Variants in MBNL2 observed in about 807,000 individuals in gnomAD.
MBNL2 encodes muscleblind like splicing regulator 2.
Under a neutral mutation model 41.9 loss-of-function variants are expected in MBNL2, and 17 were observed. The ratio of observed to expected loss-of-function variants is 0.41; its 90% CI spans 0.28 to 0.61. The LOEUF is 0.61. Among genes scored for constraint, MBNL2 ranks in the 20% least tolerant of loss-of-function variants. The pLI is 0.35. For synonymous variants in MBNL2, 195 were observed against 182.9 expected (o/e 1.07, Z -0.53); for missense variants, 336 against 505.6 (o/e 0.66, Z 3.22).
At chr13:97,305,852 T>C (rs568609434) in intron 2 of MBNL2, among the ~76,000 whole-genome samples, 51 of 152,112 alleles carry the variant, frequency 3.4e-4, no homozygotes, top group Middle Eastern at 3.2e-3. Flanking sequence ...TCATGAAAAG[T>C]TCAAGATATT....
intron 2 of MBNL2, among the ~76,000 whole-genome samples, chr13:97,309,613 G>A (rs1437535046): frequency 6.6e-6 from 1 of 152,154 alleles, no homozygotes; most frequent in Non-Finnish European, 1.5e-5. Context: ...GAGGGAATAA[G>A]GTTCTGTTGT....
upstream of MBNL2, among the ~76,000 whole-genome samples, chr13:97,218,341 C>T (rs1361822887): frequency 3.3e-5 from 5 of 149,788 alleles, no homozygotes; most frequent in Non-Finnish European, 5.9e-5. Context: ...ACCCGGGAGG[C>T]GGAGTTTGCA....
chr13:97,155,395 T>TA, the MBNL2 span, among the ~76,000 whole-genome samples: 2 of 143,420 alleles, frequency 1.4e-5, no homozygotes, highest in South Asian at 4.4e-4. Context: ...TTTTTTTTTA[T>TA]TTTTTTTTTT....
the MBNL2 span, among the ~76,000 whole-genome samples, chr13:97,175,328 C>T: frequency 6.6e-6 from 1 of 152,196 alleles, no homozygotes; most frequent in Non-Finnish European, 1.5e-5. Flanking sequence ...GTGTCTCCCC[C>T]AGCAAATCTC....
the MBNL2 span, among the ~76,000 whole-genome samples, chr13:97,176,179 G>C: frequency 6.6e-6 from 1 of 152,272 alleles, no homozygotes; most frequent in South Asian, 2.1e-4. Flanking sequence ...GGTCTGACAA[G>C]AGAAGAAAGA....
At chr13:97,234,848 G>A (rs1366646085) in intron 1 of MBNL2, among the ~76,000 whole-genome samples, 1 of 152,210 alleles carries the variant, frequency 6.6e-6, no homozygotes, top group African/African-American at 2.4e-5. Flanking sequence ...TCGCAGTAGC[G>A]CTCAGTCCTC....
chr13:97,212,623 C>T, the MBNL2 span, among the ~76,000 whole-genome samples: 6 of 152,274 alleles, frequency 3.9e-5, no homozygotes, highest in African/African-American at 7.2e-5. Flanking sequence ...GCCAGCTGTG[C>T]GACCCTGGAA....
Position 97,320,923 on chromosome 13 carries a change from A to G in MBNL2, c.175-13353A>G, listed in dbSNP as rs560960145. On this transcript the variant is annotated intron_variant, in intron 2 of 8. Transcript: ENST00000679496. Reference sequence around the variant, plus strand: ...GGATAAGACTCTGTCTTAAAAACAAAAAGATAGCCATATTTTCCCTGTGTC... The same window carrying G: ...GGATAAGACTCTGTCTTAAAAACAAGAAGATAGCCATATTTTCCCTGTGTC... 5.3e-4 allele frequency among the ~76,000 whole-genome samples: 81 copies of G among 152,214 alleles called. 1 individual carries two copies. The highest frequency in any genetic ancestry group is 1.9e-3 in the African/African-American group (79 of 41,528).
the MBNL2 span, among the ~76,000 whole-genome samples, chr13:97,203,339 A>G: frequency 1.3e-5 from 2 of 152,220 alleles, no homozygotes; most frequent in African/African-American, 2.4e-5. Context: ...AAATGGATCA[A>G]TAATTCTGTG....
intron 1 of MBNL2, among the ~76,000 whole-genome samples, chr13:97,231,236 A>G (rs181147468): frequency 1.6e-4 from 24 of 152,332 alleles, no homozygotes; most frequent in Non-Finnish European, 2.4e-4. Flanking sequence ...GACACCTACC[A>G]TAAGTAACCA....
chr13:97,189,070 T>A, the MBNL2 span, among the ~76,000 whole-genome samples: 1 of 152,166 alleles, frequency 6.6e-6, no homozygotes, highest in African/African-American at 2.4e-5. Context: ...TCTGTATTTT[T>A]TTTTTTTAAG....
chr13:97,280,788 T>G (rs2053242727), intron 2 of MBNL2, among the ~76,000 whole-genome samples: 1 of 152,272 alleles, frequency 6.6e-6, no homozygotes, highest in South Asian at 2.1e-4. Flanking sequence ...TTCCTCTGTT[T>G]GGAATACTCT....
At chr13:97,188,250 G>A in the MBNL2 span, among the ~76,000 whole-genome samples, 1 of 152,036 alleles carries the variant, frequency 6.6e-6, no homozygotes, top group Non-Finnish European at 1.5e-5. Flanking sequence ...CTGCACCGGG[G>A]GCTCGCGATC....
At chr13:97,181,984 T>C in the MBNL2 span, among the ~76,000 whole-genome samples, 1 of 152,186 alleles carries the variant, frequency 6.6e-6, no homozygotes, top group South Asian at 2.1e-4. Context: ...ACCTGGTTAT[T>C]TTAGGCTCAT....
Position 97,392,161 on chromosome 13 carries a change from TCC to T in MBNL2, c.*713_*714del. The T allele has an allele frequency of 6.6e-6, 1 of 152,644 alleles. No individual in the cohort carries two copies. Among genetic ancestry groups the T allele is most frequent in the Non-Finnish European group, 1.5e-5 (1 of 68,020 alleles). The allele number at this position is 152,644 out of a possible 1,614,324, so 9.5% of individuals were successfully genotyped here. A position where few individuals can be genotyped will look rare whatever the true frequency, so the allele number is the denominator to read the frequency against. The stretch of plus-strand genomic sequence containing the variant: ...AGTGCCTAGATTTTGCCAGACTTCA[TCC>T]AGCTTGACAAGATTGAGAGGCCCAT... On this transcript the variant is annotated 3_prime_UTR_variant, in exon 9 of 9. Coordinates refer to ENST00000679496, the MANE Select transcript of MBNL2 (RefSeq NM_001382683.1).
At chr13:97,289,600 AG>A (rs1352752580) in intron 2 of MBNL2, among the ~76,000 whole-genome samples, 1 of 152,230 alleles carries the variant, frequency 6.6e-6, no homozygotes, top group Non-Finnish European at 1.5e-5. Flanking sequence ...TTCACTTTCT[AG>A]GGAACTTTAA....
At chr13:97,155,045 G>C in the MBNL2 span, among the ~76,000 whole-genome samples, 9 of 152,210 alleles carry the variant, frequency 5.9e-5, no homozygotes, top group East Asian at 1.7e-3. Flanking sequence ...ACTGTGGTAT[G>C]TTCAATTGTG....
At chr13:97,374,017 T>C (rs1319329584) in intron 8 of MBNL2, among the ~76,000 whole-genome samples, 1 of 149,208 alleles carries the variant, frequency 6.7e-6, no homozygotes, top group Non-Finnish European at 1.5e-5. Flanking sequence ...CATTCCTGCC[T>C]GTGGACGGTC....
At chr13:97,203,927 T>TG in the MBNL2 span, among the ~76,000 whole-genome samples, 4 of 151,370 alleles carry the variant, frequency 2.6e-5, no homozygotes, top group South Asian at 6.3e-4. Context: ...GACGGACGGA[T>TG]GAATGGATGG....
Sources: allele counts gnomAD v4.1 joint callset (sites outside exome capture counted in the v4.1 genomes callset), GRCh38; gene constraint gnomAD v4.1.1; transcripts MANE v1.5; gene names NCBI Gene and HGNC (gene_info 2026-07-23, HGNC 2026-07-21).